PPP2R5C: variants seen among roughly 807,000 people sequenced by gnomAD.
PPP2R5C encodes the protein protein phosphatase 2 regulatory subunit B'gamma, also known as serine/threonine-protein phosphatase 2A 56 kDa regulatory subunit gamma isoform.
A neutral mutation model predicts 68.9 loss-of-function variants in PPP2R5C; 7 were observed. That is an observed-to-expected ratio of 0.10 (90% confidence interval 0.06 to 0.19). The LOEUF (loss-of-function observed/expected upper bound fraction) is 0.19, where lower values mean the gene tolerates loss of function less well. PPP2R5C is among the 10% of genes least tolerant of loss of function. The probability of loss-of-function intolerance (pLI) is 1.00; values close to 1 mark genes in which losing one functional copy is unlikely to be tolerated. For missense variants in PPP2R5C, 348 were observed against 641.3 expected, an observed-to-expected ratio of 0.54 and a Z score of 4.94; for synonymous variants, 210 against 222.2, an observed-to-expected ratio of 0.95 and a Z score of 0.49.
At chr14:101,828,268 C>T (rs12436919) in intron 1 of PPP2R5C, among the ~76,000 whole-genome samples, 18,013 of 152,020 alleles carry the variant, frequency 0.12, 1,272 homozygotes, top group African/African-American at 0.19. Flanking sequence ...TAGTTACTTA[C>T]AGGGATGGGG....
intron 1 of PPP2R5C, among the ~76,000 whole-genome samples, chr14:101,816,904 ATATATAATATATATATT>A (rs1304464515): frequency 2.4e-5 from 3 of 126,742 alleles, no homozygotes; most frequent in African/African-American, 6.8e-5. Flanking sequence ...ATATAAATAT[ATATATAATATATATATT>A]TATATAATAT....
intron 1 of PPP2R5C, among the ~76,000 whole-genome samples, chr14:101,845,711 A>T (rs922755201): frequency 1.9e-4 from 29 of 152,180 alleles, no homozygotes; most frequent in African/African-American, 6.8e-4. Context: ...AGAAAAACCC[A>T]AAGGGTTTAA....
intron 2 of PPP2R5C, among the ~76,000 whole-genome samples, chr14:101,777,389 G>T (rs1394630922): frequency 2.0e-5 from 3 of 152,006 alleles, no homozygotes; most frequent in African/African-American, 7.3e-5. Context: ...TCGCTCTGTT[G>T]CCCAGGCTGG....
chr14:101,884,484 C>T (rs1053685150), intron 5 of PPP2R5C, among the ~76,000 whole-genome samples: 4 of 152,202 alleles, frequency 2.6e-5, no homozygotes, highest in South Asian at 2.1e-4. Context: ...TGAGAGGAGG[C>T]GGGGCAAGAA....
At chr14:101,885,662 C>T (rs947213954) in intron 5 of PPP2R5C, among the ~76,000 whole-genome samples, 3 of 152,232 alleles carry the variant, frequency 2.0e-5, no homozygotes, top group Non-Finnish European at 4.4e-5. Flanking sequence ...CCCCACATCT[C>T]GTTTGTAAAA....
At chr14:101,812,734 TACCA>T (rs1403985458) in intron 1 of PPP2R5C, among the ~76,000 whole-genome samples, 2 of 152,174 alleles carry the variant, frequency 1.3e-5, no homozygotes, top group Non-Finnish European at 2.9e-5. Flanking sequence ...TATTGATCCA[TACCA>T]CATGCCAGGC....
chr14:101,845,268 C>T (rs2140457448), intron 1 of PPP2R5C, among the ~76,000 whole-genome samples: 1 of 152,292 alleles, frequency 6.6e-6, no homozygotes, highest in East Asian at 1.9e-4. Flanking sequence ...GCTGAGGAAC[C>T]TGAGGCTGAG....
chr14:101,856,285 T>C (rs2042420733), intron 1 of PPP2R5C, among the ~76,000 whole-genome samples: 2 of 152,204 alleles, frequency 1.3e-5, no homozygotes, highest in Admixed American at 6.5e-5. Flanking sequence ...TCTGCAGATA[T>C]CACCTGGTGT....
In PPP2R5C at chr14:101,803,536, A is replaced by G. The variant is rs564929325; in HGVS notation, c.259+17353A>G. 3.3e-5 allele frequency among the ~76,000 whole-genome samples: 5 copies of G among 152,092 alleles called. No individual in the cohort carries two copies. The South Asian group carries it at 1.0e-3, about 32-fold the overall frequency. On this transcript the variant is annotated intron_variant, in intron 3 of 14. Transcript: ENST00000328724. ...TCAGGCGATTGAGACCATCCTGGCT[A>G]ACACGGTGAAACCCTGTCCCTACTA...
chr14:101,860,954 G>T (rs930484930), intron 2 of PPP2R5C, among the ~76,000 whole-genome samples: 1 of 152,180 alleles, frequency 6.6e-6, no homozygotes, highest in Non-Finnish European at 1.5e-5. Context: ...AGTTCTTGGC[G>T]TGCAGTTTCC....
chr14:101,850,317 C>G (rs1240978075), intron 1 of PPP2R5C, among the ~76,000 whole-genome samples: 1 of 152,142 alleles, frequency 6.6e-6, no homozygotes, highest in East Asian at 1.9e-4. Flanking sequence ...ACTCAAAAAC[C>G]ATTTTTTCTG....
At chr14:101,774,793 C>T (rs1272994354) in intron 2 of PPP2R5C, among the ~76,000 whole-genome samples, 2 of 152,212 alleles carry the variant, frequency 1.3e-5, no homozygotes, top group African/African-American at 4.8e-5. Context: ...ATTTCTTCCT[C>T]TCATCCAGAA....
chr14:101,778,263 G>A (rs1439509275), intron 2 of PPP2R5C, among the ~76,000 whole-genome samples: 5 of 151,612 alleles, frequency 3.3e-5, no homozygotes, highest in African/African-American at 4.9e-5. Context: ...TTTTTTAATC[G>A]GGTTTTCTTT....
At chr14:101,777,100 C>A (rs543210975) in intron 2 of PPP2R5C, among the ~76,000 whole-genome samples, 2 of 151,942 alleles carry the variant, frequency 1.3e-5, no homozygotes, top group East Asian at 3.9e-4. Flanking sequence ...AGGATGGTCT[C>A]GAGCTCCTGA....
At chr14:101,832,193 A>G (rs1461977017) in intron 1 of PPP2R5C, among the ~76,000 whole-genome samples, 1 of 152,232 alleles carries the variant, frequency 6.6e-6, no homozygotes, top group African/African-American at 2.4e-5. Flanking sequence ...AGAAATCTAC[A>G]GTGTAGGCCA....
At position 101,781,300 on chromosome 14, in the gene PPP2R5C, C is replaced by A. The variant is rs558787826; in HGVS notation, c.94-4718C>A. The stretch of plus-strand genomic sequence containing the variant: ...GGACCCTGGCTTCTGTCCTCAGGGA[C>A]CCCTTCAGACCTTCCCCACCCTCCG... On this transcript the variant is annotated intron_variant, in intron 2 of 14. Coordinates refer to the PPP2R5C transcript ENST00000328724. This position sits in a 1 kb window ranked among gnomAD's most constrained non-coding sequence, Gnocchi z 6.4. Among the ~76,000 whole-genome samples, 4 of 152,314 alleles carry A rather than the reference C, an allele frequency of 2.6e-5. No individual in the cohort carries two copies. The highest frequency in any genetic ancestry group is 4.8e-5 in the African/African-American group (2 of 41,580).
In PPP2R5C at chr14:101,901,701, G is replaced by T; in HGVS notation, c.853-18G>T. ...GCCTCGTGGGCATCAGTCACTCCAC[G>T]TGTCATTTCTTTTGTAGGTGGTGAT... On this transcript the variant is annotated intron_variant, in intron 8 of 13. Coordinates refer to ENST00000334743, the Ensembl canonical transcript of PPP2R5C. The T allele has an allele frequency of 1.9e-6, 3 of 1,612,016 alleles. No individual in the cohort carries two copies. Among genetic ancestry groups the T allele is most frequent in the Non-Finnish European group, 2.5e-6 (3 of 1,179,510 alleles).
At chr14:101,764,769 G>A (rs1291782277) in intron 2 of PPP2R5C, among the ~76,000 whole-genome samples, 1 of 146,428 alleles carries the variant, frequency 6.8e-6, no homozygotes, top group East Asian at 2.0e-4. Flanking sequence ...AAGATGAAAT[G>A]TAGGTGCTTT....
At chr14:101,806,532 C>T (rs2039086757), upstream of PPP2R5C, among the ~76,000 whole-genome samples, 1 of 152,038 alleles carries the variant, frequency 6.6e-6, no homozygotes, top group Non-Finnish European at 1.5e-5. Flanking sequence ...GGGTTGGTTC[C>T]AAGTCTTTGC....
Sources: gnomAD v4.1 joint callset for allele counts (sites outside exome capture counted in the v4.1 genomes callset) on GRCh38, gnomAD v4.1.1 for gene constraint, Gnocchi (gnomAD v3.1) non-coding constraint, MANE v1.5 for transcripts, NCBI Gene and HGNC (gene_info 2026-07-23, HGNC 2026-07-21) for gene names.